The following USP13 variants were observed in gnomAD, a reference collection of about 807,000 sequenced individuals.
The protein encoded by USP13 is ubiquitin carboxyl-terminal hydrolase 13.
USP13 carries 68 observed loss-of-function variants against 107.8 expected under a neutral mutation model. The observed-to-expected ratio is 0.63, with a 90% CI of 0.52 to 0.77. The LOEUF (loss-of-function observed/expected upper bound fraction) is 0.77, where lower values mean the gene tolerates loss of function less well. Ranked by LOEUF, USP13 falls within the 30% of genes least tolerant of loss-of-function variation. The pLI is 0.00. For synonymous variants in USP13, 377 were observed against 389.5 expected, an observed-to-expected ratio of 0.97 and a Z score of 0.38; for missense variants, 945 against 1,093.3, an observed-to-expected ratio of 0.86 and a Z score of 1.91.
rs75012269 is a variant in USP13 at position 179,745,461 on chromosome 3, A to G, written c.1709+244A>G. The stretch of plus-strand genomic sequence containing the variant: ...GGGGTTTTCTTTTTTCTTTTTTTAA[A>G]TGTAAGGTTGTGATTTATTCTCTAT... On this transcript the variant is annotated intron_variant, in intron 13 of 20. Coordinates refer to ENST00000263966, the MANE Select transcript of USP13 (RefSeq NM_003940.3). 2.7e-3 allele frequency among the ~76,000 whole-genome samples: 416 copies of G among 151,922 alleles called. 7 individuals carry two copies. The highest frequency in any genetic ancestry group is 0.021 in the Admixed American group (317 of 15,246).
chr3:179,704,463 G>A (rs1483805676), intron 4 of USP13, among the ~76,000 whole-genome samples: 3 of 152,270 alleles, frequency 2.0e-5, no homozygotes, highest in Non-Finnish European at 4.4e-5. Context: ...CTTCACGCCT[G>A]CCCTCTTCCC....
chr3:179,674,951 C>T (rs572765302), intron 1 of USP13, among the ~76,000 whole-genome samples: 4 of 152,102 alleles, frequency 2.6e-5, no homozygotes, highest in South Asian at 2.1e-4. Context: ...GCAGGTGGAT[C>T]GATCACAAGG....
At chr3:179,675,082 G>A (rs563584950) in intron 1 of USP13, among the ~76,000 whole-genome samples, 62 of 152,062 alleles carry the variant, frequency 4.1e-4, no homozygotes, top group African/African-American at 1.4e-3. Context: ...GGCTGAGGCA[G>A]GAGAATGGTG....
chr3:179,654,106 C>T (rs1720178311), intron 1 of USP13, among the ~76,000 whole-genome samples: 1 of 148,182 alleles, frequency 6.7e-6, no homozygotes, highest in African/African-American at 2.5e-5. Context: ...CCCAGCTACT[C>T]GGGAGGCTGA....
intron 19 of USP13, among the ~76,000 whole-genome samples, chr3:179,774,229 A>T (rs368620642): frequency 6.6e-6 from 1 of 152,162 alleles, no homozygotes; most frequent in African/African-American, 2.4e-5. Context: ...ACTTATTACC[A>T]GGAGAGGGCA....
intron 2 of USP13, among the ~76,000 whole-genome samples, chr3:179,689,060 T>C (rs1711998230): frequency 6.6e-6 from 1 of 152,176 alleles, no homozygotes; most frequent in Non-Finnish European, 1.5e-5. Context: ...ACTATTAAAA[T>C]GTGAGAAAGC....
Position 179,653,064 on chromosome 3 carries a change from C to T in USP13, c.-162C>T. The T allele has an allele frequency of 2.0e-6, 1 of 496,666 alleles. No homozygotes were observed. Among genetic ancestry groups the T allele is most frequent in the Non-Finnish European group, 2.6e-6 (1 of 384,214 alleles). The allele number at this position is 496,666 out of a possible 1,614,324, so 30.8% of individuals were successfully genotyped here. A position where few individuals can be genotyped will look rare whatever the true frequency, so the allele number is the denominator to read the frequency against. Reference sequence around the variant, plus strand: ...CAGTCCGCCCCAAGCCCGCGGTGCCCGCTCCCGCCCCGCAGCCCGCTCTCC... The same window carrying T: ...CAGTCCGCCCCAAGCCCGCGGTGCCTGCTCCCGCCCCGCAGCCCGCTCTCC... On this transcript the variant is annotated 5_prime_UTR_variant, in exon 1 of 21. Coordinates refer to ENST00000263966, the MANE Select transcript of USP13 (RefSeq NM_003940.3). This position sits in a 1 kb window ranked among gnomAD's most constrained non-coding sequence, Gnocchi z 4.0.
At chr3:179,690,064 C>A (rs1440698794) in intron 2 of USP13, among the ~76,000 whole-genome samples, 177 bp from the exon 3 acceptor site, 1 of 152,134 alleles carries the variant, frequency 6.6e-6, no homozygotes, top group African/African-American at 2.4e-5. Context: ...TAGCATTGCC[C>A]TTCACCTACC....
chr3:179,728,906 T>TACTC, intron 8 of USP13, among the ~76,000 whole-genome samples: 1 of 151,518 alleles, frequency 6.6e-6, no homozygotes, highest in African/African-American at 2.4e-5. Flanking sequence ...CAGGCAGCAG[T>TACTC]ACCGTCCAGC....
At chr3:179,740,127 T>G (rs1257901696) in intron 10 of USP13, 120 bp from the exon 11 acceptor site, 1 of 1,423,886 alleles carries the variant, frequency 7.0e-7, no homozygotes, top group African/African-American at 1.4e-5. Context: ...ATTTACCTTC[T>G]TTGGGCTGTA....
At chr3:179,665,751 A>G (rs1285809984) in intron 1 of USP13, among the ~76,000 whole-genome samples, 1 of 151,936 alleles carries the variant, frequency 6.6e-6, no homozygotes, top group African/African-American at 2.4e-5. Context: ...ATGCCCAGCT[A>G]ATTTTTGTAT....
chr3:179,726,146 C>T (rs910617599), intron 8 of USP13, among the ~76,000 whole-genome samples: 9 of 152,012 alleles, frequency 5.9e-5, no homozygotes, highest in South Asian at 2.1e-4. Context: ...CTGAGGGTCT[C>T]GGGAGGCGAC....
rs534770326 is a variant in USP13 at position 179,775,391 on chromosome 3, A to C, written c.2414-6348A>C. On this transcript the variant is annotated intron_variant, in intron 19 of 20. Transcript: ENST00000263966. ...ACAGAGTGCTGATTGGTGCATATAC[A>C]ATCCTCTGGCTAGACATAAAAGTTC... Among the ~76,000 whole-genome samples the C allele has an allele frequency of 3.9e-5, 6 of 152,366 alleles. No homozygotes were observed. In the East Asian group the frequency reaches 1.2e-3, roughly 29 times the overall value.
Position 179,726,122 on chromosome 3 carries a change from C to T in USP13, c.1089-4067C>T, listed in dbSNP as rs751733645. The stretch of plus-strand genomic sequence containing the variant: ...GGGAGTGAGGAAGGGTGGGGGCGGC[C>T]CCTCTTGTTTTATCTGAGGGTCTCG... On this transcript the variant is annotated intron_variant, in intron 8 of 20. Transcript: ENST00000263966. Among the ~76,000 whole-genome samples the T allele has an allele frequency of 9.0e-4, 137 of 152,132 alleles. 1 individual carries two copies. The highest frequency in any genetic ancestry group is 1.6e-3 in the Non-Finnish European group (110 of 67,990).
In USP13 at chr3:179,787,542, G is replaced by A. The variant is rs1369750732; in HGVS notation, c.*3401G>A. The A allele has an allele frequency of 6.6e-6, 1 of 152,094 alleles. No individual in the cohort carries two copies. The highest frequency in any genetic ancestry group is 2.4e-5 in the African/African-American group (1 of 41,386). 9.4% of individuals were successfully genotyped at this position (152,094 alleles called of 1,614,324 possible). On this transcript the variant is annotated 3_prime_UTR_variant, in exon 21 of 21. Coordinates refer to ENST00000263966, the MANE Select transcript of USP13 (RefSeq NM_003940.3). ...GTTGAGGACCTGTGTCATTCTTAGTGGCCCCACGACCCCTCTGTTTGTATT... is the reference window on the plus strand; with the variant it reads ...GTTGAGGACCTGTGTCATTCTTAGTAGCCCCACGACCCCTCTGTTTGTATT...
At chr3:179,777,923 T>C (rs1198783415) in intron 19 of USP13, among the ~76,000 whole-genome samples, 1 of 152,146 alleles carries the variant, frequency 6.6e-6, no homozygotes, top group Non-Finnish European at 1.5e-5. Context: ...CCTTTCTTGC[T>C]TACATAGGGA....
In USP13 at chr3:179,727,768, G is replaced by A. The variant is rs1172761653; in HGVS notation, c.1089-2421G>A. 2.7e-3 allele frequency among the ~76,000 whole-genome samples: 216 copies of A among 80,522 alleles called. 11 individuals carry two copies. Among genetic ancestry groups the A allele is most frequent in the African/African-American group, 8.8e-3 (206 of 23,398 alleles). 52.8% of individuals were successfully genotyped at this position (80,522 alleles called of 152,430 possible). A position where few individuals can be genotyped will look rare whatever the true frequency, so the allele number is the denominator to read the frequency against. ...CGGGCAGAGGCGCCCCTCACCTCCC[G>A]GACGGGGCGGCTGGCTGGGCAGGGG... On this transcript the variant is annotated intron_variant, in intron 8 of 20. Coordinates refer to ENST00000263966, the MANE Select transcript of USP13 (RefSeq NM_003940.3).
At chr3:179,759,511 C>T (rs1387849838) in intron 16 of USP13, among the ~76,000 whole-genome samples, 1 of 152,194 alleles carries the variant, frequency 6.6e-6, no homozygotes, top group Non-Finnish European at 1.5e-5. Flanking sequence ...AAAAACTTAT[C>T]TGATCACAGA....
In USP13 at chr3:179,679,147, T is replaced by A. The variant is rs191978623; in HGVS notation, c.169-2731T>A. 5.6e-4 allele frequency among the ~76,000 whole-genome samples: 85 copies of A among 152,302 alleles called. No homozygotes were observed. In the East Asian group the frequency reaches 0.014, roughly 26 times the overall value. ...TTTGATTATTAGAAAATTGTTTAAG[T>A]TAACAATCTTTATTGGAGTTTTAAA... On this transcript the variant is annotated intron_variant, in intron 1 of 20. Transcript: ENST00000263966.
Sources: allele counts gnomAD v4.1 joint callset (sites outside exome capture counted in the v4.1 genomes callset), GRCh38; gene constraint gnomAD v4.1.1; non-coding constraint Gnocchi (gnomAD v3.1); transcripts MANE v1.5; gene names NCBI Gene and HGNC (gene_info 2026-07-23, HGNC 2026-07-21).